Variants in COG5 observed in about 807,000 individuals in gnomAD.
COG5 encodes component of oligomeric golgi complex 5, also known as conserved oligomeric Golgi complex subunit 5.
COG5 carries 86 observed loss-of-function variants against 110.4 expected under a neutral mutation model. That is an observed-to-expected ratio of 0.78 (90% confidence interval 0.65 to 0.93). The LOEUF (loss-of-function observed/expected upper bound fraction) is 0.93, where lower values mean the gene tolerates loss of function less well. Among genes scored for constraint, COG5 ranks in the 40% least tolerant of loss-of-function variants. The pLI is 0.00. For missense variants in COG5, 1,077 were observed against 987.0 expected, an observed-to-expected ratio of 1.09 and a Z score of -1.22; for synonymous variants, 360 against 334.6, an observed-to-expected ratio of 1.08 and a Z score of -0.83.
chr7:107,211,029 T>C, intron 20 of COG5, 70 bp downstream of exon 20: 1 of 1,551,980 alleles, frequency 6.4e-7, no homozygotes, highest in Non-Finnish European at 8.9e-7. Flanking sequence ...ATTCAGTGAG[T>C]AGGGGCTCAG....
intron 8 of COG5, 129 bp downstream of exon 8, chr7:107,372,465 CT>C: frequency 1.2e-6 from 1 of 857,554 alleles, no homozygotes. Context: ...AACATAATTT[CT>C]TCTCTCATTT....
At chr7:107,234,470 G>A (rs1019601761) in intron 18 of COG5, among the ~76,000 whole-genome samples, 2 of 152,176 alleles carry the variant, frequency 1.3e-5, no homozygotes, top group Non-Finnish European at 2.9e-5. Context: ...AGGTGTTAGC[G>A]GCAGTAGCAA....
chr7:107,357,980 T>C (rs1562987071), intron 10 of COG5, among the ~76,000 whole-genome samples: 1 of 152,242 alleles, frequency 6.6e-6, no homozygotes, highest in Non-Finnish European at 1.5e-5. Context: ...CATACGCATT[T>C]AAAATCTGGC....
At chr7:107,414,551 T>C (rs1792555988) in intron 6 of COG5, among the ~76,000 whole-genome samples, 1 of 152,034 alleles carries the variant, frequency 6.6e-6, no homozygotes, top group Middle Eastern at 3.2e-3. Flanking sequence ...TTCTAGTCAA[T>C]AGTACACATG....
At chr7:107,249,265 T>C (rs1584571469) in intron 16 of COG5, among the ~76,000 whole-genome samples, 1 of 151,952 alleles carries the variant, frequency 6.6e-6, no homozygotes, top group African/African-American at 2.4e-5. Context: ...ATTGTCACAG[T>C]TGGGGATGGG....
At chr7:107,456,687 A>T (rs112348654) in intron 6 of COG5, among the ~76,000 whole-genome samples, 73 of 152,338 alleles carry the variant, frequency 4.8e-4, no homozygotes, top group African/African-American at 1.7e-3. Context: ...TCTTCAAAGA[A>T]ATATTAAGTT....
intron 17 of COG5, among the ~76,000 whole-genome samples, chr7:107,241,706 C>T (rs2116497215): frequency 6.6e-6 from 1 of 152,234 alleles, no homozygotes; most frequent in South Asian, 2.1e-4. Flanking sequence ...CCCGTCTCGG[C>T]CTCCCAAAGT....
chr7:107,337,662 G>T (rs941143282), intron 10 of COG5, among the ~76,000 whole-genome samples: 4 of 152,020 alleles, frequency 2.6e-5, no homozygotes, highest in African/African-American at 9.7e-5. Context: ...TGTGTTTTGG[G>T]TGGGGGAGAA....
intron 6 of COG5, among the ~76,000 whole-genome samples, chr7:107,511,552 A>T (rs1002346106): frequency 3.9e-5 from 6 of 152,244 alleles, no homozygotes; most frequent in African/African-American, 1.4e-4. Flanking sequence ...TTATGAGGCC[A>T]GCATCATCCT....
rs780617291 is a variant in COG5 at position 107,475,314 on chromosome 7, T to C, written c.538+51923A>G. 97 of 1,576,598 alleles carry C rather than the reference T, an allele frequency of 6.2e-5. No homozygotes were observed. Among genetic ancestry groups the C allele is most frequent in the Non-Finnish European group, 8.2e-5 (96 of 1,165,930 alleles). ...GAAACAAAAAAATTACCTTTGAAGA[T>C]AGTGAAATAAGAGAAAAATGTTTAG... is the stretch of plus-strand genomic sequence containing the variant. On this transcript the variant is annotated intron_variant, in intron 6 of 21. Coordinates refer to ENST00000297135, the MANE Select transcript of COG5 (RefSeq NM_006348.5).
At chr7:107,233,438 T>C (rs1214633632) in intron 18 of COG5, among the ~76,000 whole-genome samples, 1 of 152,338 alleles carries the variant, frequency 6.6e-6, no homozygotes, top group East Asian at 1.9e-4. Flanking sequence ...TCCCTCACCA[T>C]GATCCCTCCA....
chr7:107,291,997 T>G (rs1806216935), intron 12 of COG5, among the ~76,000 whole-genome samples: 1 of 152,144 alleles, frequency 6.6e-6, no homozygotes, highest in Non-Finnish European at 1.5e-5. Context: ...TCTTTTTTCC[T>G]TTTCCTTTCC....
At chr7:107,281,761 T>C (rs759602704) in intron 13 of COG5, among the ~76,000 whole-genome samples, 1 of 152,174 alleles carries the variant, frequency 6.6e-6, no homozygotes, top group Non-Finnish European at 1.5e-5. Flanking sequence ...ATGACAGCTC[T>C]TGAATGGAAA....
chr7:107,299,333 G>C (rs186300214), intron 11 of COG5, among the ~76,000 whole-genome samples: 22 of 152,156 alleles, frequency 1.4e-4, no homozygotes, highest in Non-Finnish European at 2.8e-4. Context: ...AAGAATAACA[G>C]AGATGATCTC....
chr7:107,329,505 T>A (rs555128012), intron 10 of COG5, among the ~76,000 whole-genome samples: 2 of 152,264 alleles, frequency 1.3e-5, no homozygotes, highest in South Asian at 4.1e-4. Context: ...TATAATAGTA[T>A]ATGTACATAT....
intron 7 of COG5, among the ~76,000 whole-genome samples, chr7:107,394,800 A>G (rs1370893502): frequency 6.6e-6 from 1 of 152,244 alleles, no homozygotes; most frequent in East Asian, 1.9e-4. Context: ...CCCACAGTGG[A>G]TAATACCATT....
intron 10 of COG5, among the ~76,000 whole-genome samples, chr7:107,330,431 G>A (rs1810140574): frequency 6.6e-6 from 1 of 152,132 alleles, no homozygotes; most frequent in Non-Finnish European, 1.5e-5. Context: ...TTTAGCCATT[G>A]ATTTCAACAT....
At position 107,359,239 on chromosome 7, in the gene COG5, T is replaced by C. The variant is rs116162905; in HGVS notation, c.1026+2794A>G. On this transcript the variant is annotated intron_variant, in intron 10 of 21. Transcript: ENST00000297135. ...CTGGCCTCTCCCAACTCCCAGCACC[T>C]ACTTTGATTTCACAGCACAACTGAG... 5.7e-3 allele frequency among the ~76,000 whole-genome samples: 873 copies of C among 152,314 alleles called. 9 individuals carry two copies. The highest frequency in any genetic ancestry group is 0.019 in the African/African-American group (788 of 41,590).
rs1005512871 is a variant in COG5, at chr7:107,446,565, T to C, written c.539-33933A>G. 2.6e-5 allele frequency among the ~76,000 whole-genome samples: 4 copies of C among 152,294 alleles called. No individual in the cohort carries two copies. In the South Asian group the frequency reaches 6.2e-4, roughly 24 times the overall value. ...CAGCAAACATAACGATACATCATAT[T>C]AGAGATTTGACTTTAAAAAACATTA... is the stretch of plus-strand genomic sequence containing the variant. On this transcript the variant is annotated intron_variant, in intron 6 of 21. Coordinates refer to ENST00000297135, the MANE Select transcript of COG5 (RefSeq NM_006348.5).
Sources: allele counts gnomAD v4.1 joint callset (sites outside exome capture counted in the v4.1 genomes callset), GRCh38; gene constraint gnomAD v4.1.1; transcripts MANE v1.5; gene names NCBI Gene and HGNC (gene_info 2026-07-23, HGNC 2026-07-21).